The following HOMER2 variants were observed in gnomAD, a reference collection of about 807,000 sequenced individuals.
HOMER2 encodes the protein homer scaffold protein 2, also known as homer protein homolog 2.
Under a neutral mutation model 47.0 loss-of-function variants are expected in HOMER2, and 27 were observed. That is an observed-to-expected ratio of 0.57 (90% CI 0.42 to 0.79). HOMER2 has a LOEUF of 0.79. Ranked by LOEUF, HOMER2 falls within the 30% of genes least tolerant of loss-of-function variation. The probability of loss-of-function intolerance (pLI) is 0.00; values close to 1 mark genes in which losing one functional copy is unlikely to be tolerated. For synonymous variants in HOMER2, 161 were observed against 163.8 expected (o/e 0.98, Z 0.13); for missense variants, 443 against 435.0 (o/e 1.02, Z -0.16).
At chr15:82,872,433 C>T (rs948371116) in intron 3 of HOMER2, among the ~76,000 whole-genome samples, 1 of 152,228 alleles carries the variant, frequency 6.6e-6, no homozygotes, top group East Asian at 1.9e-4. Flanking sequence ...AACTCTTAAC[C>T]CTTCATCAGT....
chr15:82,891,144 C>G (rs979730728), intron 2 of HOMER2, among the ~76,000 whole-genome samples: 1 of 152,120 alleles, frequency 6.6e-6, no homozygotes, highest in East Asian at 1.9e-4. Flanking sequence ...ACACACTACC[C>G]GCCTGATAGG....
exon 2 of HOMER2, chr15:82,842,245 C>T (rs1262239258): frequency 6.6e-6 from 1 of 151,674 alleles, no homozygotes; most frequent in Non-Finnish European, 1.5e-5. Flanking sequence ...GTAAATTTTA[C>T]TCAATCCAAT....
chr15:82,863,035 G>A (rs1596309047), intron 4 of HOMER2, among the ~76,000 whole-genome samples: 2 of 152,064 alleles, frequency 1.3e-5, no homozygotes, highest in Non-Finnish European at 2.9e-5. Context: ...TAGGGCTCCA[G>A]CATCTGCCCT....
At chr15:82,981,913 G>A (rs1425765280) in intron 1 of HOMER2, among the ~76,000 whole-genome samples, 3 of 142,234 alleles carry the variant, frequency 2.1e-5, no homozygotes, top group South Asian at 2.1e-4. Flanking sequence ...AAAAAATCTC[G>A]AGATGGATGG....
chr15:82,873,078 T>C (rs1051463050), intron 3 of HOMER2, among the ~76,000 whole-genome samples: 8 of 152,170 alleles, frequency 5.3e-5, no homozygotes, highest in Non-Finnish European at 1.0e-4. Context: ...AAGGACACAC[T>C]GGCCATGGTG....
At chr15:82,895,822 A>C (rs2052891989) in intron 1 of HOMER2, among the ~76,000 whole-genome samples, 1 of 152,156 alleles carries the variant, frequency 6.6e-6, no homozygotes, top group African/African-American at 2.4e-5. Flanking sequence ...ACTTACTAAA[A>C]ATACATGTTC....
At chr15:82,935,071 T>G (rs1467429619) in intron 1 of HOMER2, among the ~76,000 whole-genome samples, 1 of 151,916 alleles carries the variant, frequency 6.6e-6, no homozygotes, top group African/African-American at 2.4e-5. Flanking sequence ...AGGCCTGGGC[T>G]CCTCTGCCCC....
Position 82,864,267 on chromosome 15 carries a change from T to C in HOMER2, c.295-8A>G. The C allele has an allele frequency of 6.3e-7, 1 of 1,599,656 alleles. No individual in the cohort carries two copies. On this transcript the variant is annotated splice_polypyrimidine_tract_variant and splice_region_variant and intron_variant, in intron 3 of 8. Transcript: ENST00000450735. ...CTGGAATTTCTCTGCAAACTGAACA[T>C]GAAGAATAGTTATTAAGGCTTTTAT... is the stretch of plus-strand genomic sequence containing the variant.
At chr15:82,970,336 T>C (rs1473894590) in intron 1 of HOMER2, among the ~76,000 whole-genome samples, 1 of 152,224 alleles carries the variant, frequency 6.6e-6, no homozygotes, top group Non-Finnish European at 1.5e-5. Flanking sequence ...GAGAGGTTTC[T>C]TATCGCCAGT....
intron 1 of HOMER2, among the ~76,000 whole-genome samples, chr15:82,905,617 A>G (rs2053265043): frequency 6.6e-6 from 1 of 152,232 alleles, no homozygotes; most frequent in South Asian, 2.1e-4. Flanking sequence ...GATAAGAATG[A>G]CATCTAACTT....
chr15:82,852,202 C>A lies in HOMER2; in HGVS notation c.702G>T (p.Lys234Asn). Reference sequence around the variant, plus strand: ...CGATCCTCCTCTTCAGCTGCGTGTTCTTCTCCTTCTCTCTGTTGATCTCAC... The same window carrying A: ...CGATCCTCCTCTTCAGCTGCGTGTTATTCTCCTTCTCTCTGTTGATCTCAC... ...QCSEINREKEKNTQLKRRIEE... is the reference protein window; with the variant it reads ...QCSEINREKENNTQLKRRIEE... The change falls in exon 7 of 9, where the codon AAG becomes AAT. Residue 234 changes from lysine (K) to asparagine (N), a missense_variant. Transcript: ENST00000450735. 6.2e-7 allele frequency: 1 copy of A among 1,613,984 alleles called. No homozygotes were observed. Among genetic ancestry groups the A allele is most frequent in the Non-Finnish European group, 8.5e-7 (1 of 1,179,888 alleles).
intron 2 of HOMER2, among the ~76,000 whole-genome samples, chr15:82,882,323 C>A (rs1419771804): frequency 6.6e-6 from 1 of 152,218 alleles, no homozygotes; most frequent in Non-Finnish European, 1.5e-5. Context: ...TCATCATCCA[C>A]TCATTCCCCC....
At chr15:82,932,808 G>T (rs2151199651) in intron 1 of HOMER2, among the ~76,000 whole-genome samples, 1 of 152,216 alleles carries the variant, frequency 6.6e-6, no homozygotes, top group South Asian at 2.1e-4. Context: ...CAAAGCTTTT[G>T]GCGGCATCAC....
At chr15:82,953,377 G>A (rs200651064), upstream of HOMER2, among the ~76,000 whole-genome samples, 2 of 152,160 alleles carry the variant, frequency 1.3e-5, no homozygotes, top group Non-Finnish European at 2.9e-5. Context: ...TTTATCCTTA[G>A]AGCGAGGGGA....
chr15:82,952,084 G>A (rs1328210334), intron 1 of HOMER2: 2 of 974,142 alleles, frequency 2.1e-6, no homozygotes, highest in East Asian at 2.3e-4. Flanking sequence ...TACGCTGGAG[G>A]TTTATTATTA....
intron 1 of HOMER2, among the ~76,000 whole-genome samples, chr15:82,904,192 A>G (rs2053219571): frequency 6.6e-6 from 1 of 152,234 alleles, no homozygotes; most frequent in Non-Finnish European, 1.5e-5. Flanking sequence ...TCTGTCACAG[A>G]AGTGAGGTCA....
chr15:82,854,636 G>T lies in HOMER2; in HGVS notation c.651+8C>A, dbSNP rs771611964. 6.2e-7 allele frequency: 1 copy of T among 1,609,902 alleles called. No homozygotes were observed. The highest frequency in any genetic ancestry group is 8.5e-7 in the Non-Finnish European group (1 of 1,178,492). The stretch of plus-strand genomic sequence containing the variant: ...GGCCTCGGGGCTCACTGCATCCACC[G>T]TACCCACCTTGTTGCGGAGCCGGTC... On this transcript the variant is annotated splice_region_variant and intron_variant, in intron 6 of 8. Coordinates refer to ENST00000450735, the MANE Select transcript of HOMER2 (RefSeq NM_004839.4).
chr15:82,909,400 C>G (rs545426149), intron 1 of HOMER2, among the ~76,000 whole-genome samples: 1 of 152,158 alleles, frequency 6.6e-6, no homozygotes, highest in Non-Finnish European at 1.5e-5. Flanking sequence ...TTGGACTGCA[C>G]AGTCTAAGCT....
At chr15:82,916,230 G>A (rs951067151) in intron 1 of HOMER2, among the ~76,000 whole-genome samples, 1 of 152,142 alleles carries the variant, frequency 6.6e-6, no homozygotes, top group Non-Finnish European at 1.5e-5. Flanking sequence ...TGAAAAGAGC[G>A]AGTTGCTAAA....
Sources: allele counts gnomAD v4.1 joint callset (sites outside exome capture counted in the v4.1 genomes callset), GRCh38; gene constraint gnomAD v4.1.1; transcripts MANE v1.5; gene names NCBI Gene and HGNC (gene_info 2026-07-23, HGNC 2026-07-21).